Variants in PCDHA8 observed in about 807,000 individuals in gnomAD.
PCDHA8 encodes the protein protocadherin alpha 8.
PCDHA8 carries 53 observed loss-of-function variants against 61.8 expected under a neutral mutation model. That is an observed-to-expected ratio of 0.86 (90% CI 0.69 to 1.08). The LOEUF (loss-of-function observed/expected upper bound fraction) is 1.08. Ranked by LOEUF, PCDHA8 falls within the 50% of genes least tolerant of loss-of-function variation. The pLI, the probability that PCDHA8 is intolerant of heterozygous loss-of-function variation, is 0.00. For missense variants in PCDHA8, 1,293 were observed against 1,245.0 expected, an observed-to-expected ratio of 1.04 and a Z score of -0.58; for synonymous variants, 618 against 556.6, an observed-to-expected ratio of 1.11 and a Z score of -1.55.
At chr5:140,924,060 A>G (rs2081653054) in intron 1 of PCDHA8, among the ~76,000 whole-genome samples, 1 of 152,250 alleles carries the variant, frequency 6.6e-6, no homozygotes, top group African/African-American at 2.4e-5. Context: ...ACATCTTTAC[A>G]GTTGTATTTC....
At position 140,849,933 on chromosome 5, in the gene PCDHA8, C is replaced by G. The variant is rs2150458258; in HGVS notation, c.2394+6218C>G. Reference sequence around the variant, plus strand: ...CTGCCACATCTTCACGGTGTCTGCGCGGGACGCTGACGCGCAGGAGAACGC... The same window carrying G: ...CTGCCACATCTTCACGGTGTCTGCGGGGGACGCTGACGCGCAGGAGAACGC... On this transcript the variant is annotated intron_variant, in intron 1 of 3. Transcript: ENST00000531613. 8.1e-6 allele frequency: 13 copies of G among 1,598,002 alleles called. 1 individual carries two copies. In the African/African-American group the frequency reaches 1.2e-4, roughly 15 times the overall value.
At position 140,850,728 on chromosome 5, in the gene PCDHA8, G is replaced by A. The variant is rs2150496245; in HGVS notation, c.2394+7013G>A. The A allele has an allele frequency of 8.1e-6, 13 of 1,598,072 alleles. 2 individuals are homozygous for A. Among genetic ancestry groups the A allele is most frequent in the Non-Finnish European group, 1.1e-5 (13 of 1,167,642 alleles). The stretch of plus-strand genomic sequence containing the variant: ...GCCGACGCTGGTGTGTTCTAGCGCG[G>A]TGGGGAGTTGGTCGTACTCGCAGCA... On this transcript the variant is annotated intron_variant, in intron 1 of 3. Coordinates refer to ENST00000531613, the MANE Select transcript of PCDHA8 (RefSeq NM_018911.3).
intron 1 of PCDHA8, chr5:140,866,368 T>C (rs1172516799): frequency 6.6e-6 from 1 of 152,138 alleles, no homozygotes; most frequent in Non-Finnish European, 1.5e-5. Flanking sequence ...TATTGCATAC[T>C]TCAATAACAA....
At chr5:140,963,911 T>C (rs2095797811) in intron 1 of PCDHA8, among the ~76,000 whole-genome samples, 1 of 152,238 alleles carries the variant, frequency 6.6e-6, no homozygotes, top group African/African-American at 2.4e-5. Context: ...AAGTGAAGCT[T>C]AGGCTAAGTA....
At chr5:140,856,434 C>G (rs551569829) in intron 1 of PCDHA8, 1 of 1,598,320 alleles carries the variant, frequency 6.3e-7, no homozygotes, top group South Asian at 1.1e-5. Context: ...AACGACAACC[C>G]GCCCAGGTTC....
At chr5:140,856,946 G>A (rs372611675) in intron 1 of PCDHA8, 3 of 1,593,218 alleles carry the variant, frequency 1.9e-6, no homozygotes, top group East Asian at 2.2e-5. Context: ...AAGGACGGGA[G>A]AAATAAAAGT....
chr5:140,927,621 A>G (rs141117468), intron 1 of PCDHA8: 25 of 1,614,198 alleles, frequency 1.5e-5, no homozygotes, highest in Middle Eastern at 3.3e-4. Context: ...CCAAGGTTCC[A>G]GAGACTGCAC....
rs143363926 is a variant in PCDHA8 at position 140,919,499 on chromosome 5, C to T, written c.2395-59450C>T. Among the ~76,000 whole-genome samples the T allele has an allele frequency of 1.8e-4, 27 of 152,124 alleles. No homozygotes were observed. In the East Asian group the frequency reaches 5.2e-3, roughly 29 times the overall value. ...TGGATTTATGTTTGTTATTTTACTCCTTTTTCTATATGTTTTAATTCTCTT... is the reference window on the plus strand; with the variant it reads ...TGGATTTATGTTTGTTATTTTACTCTTTTTTCTATATGTTTTAATTCTCTT... On this transcript the variant is annotated intron_variant, in intron 1 of 3. Coordinates refer to ENST00000531613, the MANE Select transcript of PCDHA8 (RefSeq NM_018911.3).
intron 3 of PCDHA8, among the ~76,000 whole-genome samples, chr5:140,996,349 A>G (rs2097722990): frequency 6.6e-6 from 1 of 152,184 alleles, no homozygotes; most frequent in African/African-American, 2.4e-5. Flanking sequence ...AACCCAACCA[A>G]AGTCAGAAGC....
At chr5:140,868,907 A>T in intron 1 of PCDHA8, 1 of 869,128 alleles carries the variant, frequency 1.2e-6, no homozygotes, top group Non-Finnish European at 1.7e-6. Flanking sequence ...GTCGCTCTTT[A>T]CTTGGTGGAA....
chr5:140,895,720 C>A (rs1473250558), intron 1 of PCDHA8, among the ~76,000 whole-genome samples: 2 of 152,136 alleles, frequency 1.3e-5, no homozygotes, highest in African/African-American at 4.8e-5. Flanking sequence ...ATGGCCTGCA[C>A]CTCCATTCAA....
chr5:140,901,196 C>T (rs1294830498), intron 1 of PCDHA8, among the ~76,000 whole-genome samples: 7 of 152,222 alleles, frequency 4.6e-5, no homozygotes, highest in African/African-American at 1.7e-4. Flanking sequence ...CTTTTCTGTG[C>T]AGAAGGTTTT....
Position 140,843,222 on chromosome 5 carries a change from C to T in PCDHA8, c.1901C>T (p.Thr634Ile), listed in dbSNP as rs2150355483. Residue 634 changes from threonine (T) to isoleucine (I), a missense_variant, in exon 1 of 4, where the codon ACT becomes ATT. Physicochemically the swap from Thr to Ile is moderately conservative, Grantham distance 89. Coordinates refer to ENST00000531613, the MANE Select transcript of PCDHA8 (RefSeq NM_018911.3). ...VGLYTGEIST[T>I]RVLDEADSPR... ...CTGTACACGGGCGAGATCAGCACCA[C>T]TCGTGTCCTGGACGAAGCGGACTCT... is the stretch of plus-strand genomic sequence containing the variant. 32 of 1,596,168 alleles carry T rather than the reference C, an allele frequency of 2.0e-5. 4 individuals are homozygous for T. Among genetic ancestry groups the T allele is most frequent in the Non-Finnish European group, 2.5e-5 (29 of 1,165,638 alleles).
At chr5:140,994,236 A>G (rs1222556974) in intron 3 of PCDHA8, among the ~76,000 whole-genome samples, 3 of 152,170 alleles carry the variant, frequency 2.0e-5, no homozygotes, top group African/African-American at 4.8e-5. Context: ...GTTATAATCA[A>G]TTCAAACCCT....
chr5:140,897,289 C>T (rs1027792864), intron 1 of PCDHA8, among the ~76,000 whole-genome samples: 2 of 150,912 alleles, frequency 1.3e-5, no homozygotes, highest in Non-Finnish European at 3.0e-5. Flanking sequence ...CCCATTAACT[C>T]GTCATTTAGC....
chr5:140,994,528 C>T (rs1331400819), intron 3 of PCDHA8, among the ~76,000 whole-genome samples: 1 of 137,784 alleles, frequency 7.3e-6, no homozygotes, highest in Non-Finnish European at 1.5e-5. Flanking sequence ...CATGGCAAAA[C>T]CCCATCTCTA....
chr5:140,856,837 C>A, intron 1 of PCDHA8: 1 of 1,591,918 alleles, frequency 6.3e-7, no homozygotes, highest in Non-Finnish European at 8.6e-7. Flanking sequence ...TAATACGGCT[C>A]AACGCTTCTG....
At chr5:140,973,442 A>G (rs1230315099) in intron 1 of PCDHA8, among the ~76,000 whole-genome samples, 4 of 152,274 alleles carry the variant, frequency 2.6e-5, no homozygotes, top group Non-Finnish European at 5.9e-5. Context: ...TGGTCACTTT[A>G]TAATGACTGG....
In PCDHA8 at chr5:140,883,587, G is replaced by C. The variant is rs1554178846; in HGVS notation, c.2394+39872G>C. ...TCGCCTTCGCTGTGGGCCACGGCCA[G>C]CGTGTCGGTGGGGGTGGCCGACGTG... On this transcript the variant is annotated intron_variant, in intron 1 of 3. Coordinates refer to ENST00000531613, the MANE Select transcript of PCDHA8 (RefSeq NM_018911.3). 6.2e-7 allele frequency: 1 copy of C among 1,614,030 alleles called. No individual in the cohort carries two copies. Among genetic ancestry groups the C allele is most frequent in the Non-Finnish European group, 8.5e-7 (1 of 1,179,946 alleles).
Sources: gnomAD v4.1 joint callset for allele counts (sites outside exome capture counted in the v4.1 genomes callset) on GRCh38, gnomAD v4.1.1 for gene constraint, MANE v1.5 for transcripts, NCBI Gene and HGNC (gene_info 2026-07-23, HGNC 2026-07-21) for gene names.